The following PALLD variants were observed in gnomAD, a reference collection of about 807,000 sequenced individuals.
The protein encoded by PALLD is palladin.
A neutral mutation model predicts 123.5 loss-of-function variants in PALLD; 61 were observed. The ratio of observed to expected loss-of-function variants is 0.49; its 90% CI spans 0.40 to 0.61. PALLD has a LOEUF of 0.61. Ranked by LOEUF, PALLD falls within the 20% of genes least tolerant of loss-of-function variation. PALLD has a pLI of 0.00. For synonymous variants in PALLD, 465 were observed against 496.4 expected, an observed-to-expected ratio of 0.94 and a Z score of 0.84; for missense variants, 1,273 against 1,377.0, an observed-to-expected ratio of 0.92 and a Z score of 1.20.
Position 168,782,143 on chromosome 4 carries a change from TA to T in PALLD, c.1964+70221del, listed in dbSNP as rs529817638. 1.8e-4 allele frequency among the ~76,000 whole-genome samples: 27 copies of T among 152,242 alleles called. No homozygotes were observed. In the South Asian group the frequency reaches 5.4e-3, roughly 30 times the overall value. ...GCTACCAATGCCTGAAACTGAATATTATAGTACAACCGTGTGACACATTCAA... is the reference window on the plus strand; with the variant it reads ...GCTACCAATGCCTGAAACTGAATATTTAGTACAACCGTGTGACACATTCAA... On this transcript the variant is annotated intron_variant, in intron 10 of 21. Coordinates refer to ENST00000505667, the MANE Select transcript of PALLD (RefSeq NM_001166108.2).
chr4:168,561,050 T>C (rs1230542178), intron 2 of PALLD, among the ~76,000 whole-genome samples: 2 of 152,102 alleles, frequency 1.3e-5, no homozygotes, highest in South Asian at 2.1e-4. Context: ...CCTGTTATTA[T>C]GCCCTGGAGC....
At chr4:168,877,781 G>A (rs1278330378) in intron 10 of PALLD, 4 of 1,203,970 alleles carry the variant, frequency 3.3e-6, no homozygotes, top group Admixed American at 8.8e-5. Context: ...GGAGGCCGGC[G>A]CTCGGCAGCC....
intron 10 of PALLD, among the ~76,000 whole-genome samples, chr4:168,887,648 A>G (rs1196465053): frequency 6.6e-6 from 1 of 152,236 alleles, no homozygotes; most frequent in African/African-American, 2.4e-5. Context: ...GGCTGCCTTC[A>G]GTTTACCTTT....
chr4:168,823,384 A>G (rs1239535129), intron 10 of PALLD, among the ~76,000 whole-genome samples: 1 of 152,228 alleles, frequency 6.6e-6, no homozygotes, highest in African/African-American at 2.4e-5. Flanking sequence ...CTCAAGAATC[A>G]GAAATCCCTT....
At chr4:168,551,191 C>G (rs980221776) in intron 2 of PALLD, among the ~76,000 whole-genome samples, 1 of 151,994 alleles carries the variant, frequency 6.6e-6, no homozygotes, top group Admixed American at 6.6e-5. Flanking sequence ...AAAAATAAAT[C>G]TATTTTTATG....
chr4:168,502,955 G>A (rs1025538627), intron 1 of PALLD, among the ~76,000 whole-genome samples: 1 of 152,130 alleles, frequency 6.6e-6, no homozygotes, highest in South Asian at 2.1e-4. Flanking sequence ...GAGAAATGTC[G>A]CAGCAGGTTC....
intron 5 of PALLD, 103 bp from the exon 6 acceptor site, chr4:168,685,382 A>C: frequency 1.3e-6 from 1 of 796,412 alleles, no homozygotes; most frequent in South Asian, 1.3e-5. Flanking sequence ...TCATTCACTC[A>C]TTTCCTTCAA....
At chr4:168,775,419 TATA>T (rs1735044644) in intron 10 of PALLD, among the ~76,000 whole-genome samples, 1 of 152,166 alleles carries the variant, frequency 6.6e-6, no homozygotes, top group Admixed American at 6.5e-5. Context: ...AGTTTCTTAT[TATA>T]GTATTTATAT....
At chr4:168,639,587 A>T (rs1280714553) in intron 2 of PALLD, among the ~76,000 whole-genome samples, 1 of 146,612 alleles carries the variant, frequency 6.8e-6, no homozygotes. Flanking sequence ...TCTGTCACCC[A>T]GGCTGGAGTG....
chr4:168,706,707 G>A (rs747755568), intron 8 of PALLD, among the ~76,000 whole-genome samples: 41 of 152,094 alleles, frequency 2.7e-4, no homozygotes, highest in Non-Finnish European at 5.9e-4. Context: ...GTGAGAAATC[G>A]AGTAAAACTC....
At chr4:168,861,193 T>C (rs17054543) in intron 10 of PALLD, among the ~76,000 whole-genome samples, 16,944 of 152,164 alleles carry the variant, frequency 0.11, 1,015 homozygotes, top group Middle Eastern at 0.2. Flanking sequence ...CAAAGAATTT[T>C]GCCTCGGCTA....
At chr4:168,715,961 A>C (rs79036841) in intron 10 of PALLD, among the ~76,000 whole-genome samples, 1,843 of 152,164 alleles carry the variant, frequency 0.012, 30 homozygotes, top group African/African-American at 0.043. Context: ...AAAAAAAAAA[A>C]GTCAAAACCA....
chr4:168,834,975 C>T (rs941125836), intron 10 of PALLD, among the ~76,000 whole-genome samples: 5 of 152,130 alleles, frequency 3.3e-5, no homozygotes, highest in Admixed American at 2.0e-4. Context: ...CATTTCCTGG[C>T]AATGTTGGTG....
chr4:168,743,921 A>T (rs1788606556), intron 10 of PALLD, among the ~76,000 whole-genome samples: 2 of 152,194 alleles, frequency 1.3e-5, no homozygotes, highest in Non-Finnish European at 1.5e-5. Flanking sequence ...TCCAAATTTT[A>T]ACAGATGGGA....
chr4:168,634,899 T>C (rs1408618091), intron 2 of PALLD, among the ~76,000 whole-genome samples: 1 of 152,200 alleles, frequency 6.6e-6, no homozygotes, highest in Non-Finnish European at 1.5e-5. Flanking sequence ...AGCGAAGAGC[T>C]GTACTCCCTA....
chr4:168,715,940 A>G (rs570713048), intron 10 of PALLD, among the ~76,000 whole-genome samples: 1 of 150,792 alleles, frequency 6.6e-6, no homozygotes, highest in East Asian at 2.0e-4. Flanking sequence ...ACAGAGCGAC[A>G]CTCCATCTCA....
chr4:168,922,389 A>G (rs1761763137), intron 18 of PALLD, among the ~76,000 whole-genome samples: 1 of 152,162 alleles, frequency 6.6e-6, no homozygotes, highest in East Asian at 1.9e-4. Flanking sequence ...TATTTCTTCT[A>G]CCTCTTTATG....
chr4:168,516,824 G>A (rs922470587), intron 2 of PALLD, among the ~76,000 whole-genome samples: 1 of 152,210 alleles, frequency 6.6e-6, no homozygotes, highest in African/African-American at 2.4e-5. Flanking sequence ...GAAAATGGTA[G>A]CCTGGCAATT....
At chr4:168,526,132 C>T (rs920986839) in intron 2 of PALLD, among the ~76,000 whole-genome samples, 11 of 152,144 alleles carry the variant, frequency 7.2e-5, no homozygotes, top group Non-Finnish European at 1.5e-5. Context: ...GTTCAGCTTC[C>T]AACACACGCC....
Sources: allele counts gnomAD v4.1 joint callset (sites outside exome capture counted in the v4.1 genomes callset), GRCh38; gene constraint gnomAD v4.1.1; transcripts MANE v1.5; gene names NCBI Gene and HGNC (gene_info 2026-07-23, HGNC 2026-07-21).